Variants in E4F1 observed in about 807,000 individuals in gnomAD.
E4F1 encodes the protein E4F transcription factor 1.
In E4F1, 30 loss-of-function variants were observed where a neutral mutation model predicts 72.9. That is an observed-to-expected ratio of 0.41 (90% CI 0.31 to 0.56). The LOEUF is 0.56. Ranked by LOEUF, E4F1 falls within the 20% of genes least tolerant of loss-of-function variation. The pLI, the probability that E4F1 is intolerant of heterozygous loss-of-function variation, is 0.25. For missense variants in E4F1, 1,091 were observed against 1,117.5 expected (o/e 0.98, Z 0.34); for synonymous variants, 542 against 478.2 (o/e 1.13, Z -1.74).
chr16:2,223,877 C>T (rs2093414277), intron 1 of E4F1, 107 bp downstream of exon 1: 1 of 1,532,624 alleles, frequency 6.5e-7, no homozygotes, highest in Admixed American at 2.0e-5. Context: ...CTCCCAGACC[C>T]AGACACCTCG....
At position 2,228,179 on chromosome 16, in the gene E4F1, G is replaced by T. The variant is rs796554580; in HGVS notation, c.158-193G>T. ...GGGTGGGTCTGGCCCCTGCAGACCTGCAGAGGATAGGGGCTGTACCTTGGG... is the reference window on the plus strand; with the variant it reads ...GGGTGGGTCTGGCCCCTGCAGACCTTCAGAGGATAGGGGCTGTACCTTGGG... On this transcript the variant is annotated intron_variant, in intron 1 of 13. Transcript: ENST00000301727. 1.8e-5 allele frequency: 13 copies of T among 726,588 alleles called. No individual in the cohort carries two copies. In the African/African-American group the frequency reaches 1.9e-4, roughly 11 times the overall value. 45.0% of individuals were successfully genotyped at this position (726,588 alleles called of 1,614,324 possible).
intron 2 of E4F1, 146 bp from the exon 3 acceptor site, chr16:2,229,424 C>A: frequency 1.3e-6 from 1 of 767,440 alleles, no homozygotes; most frequent in Non-Finnish European, 2.1e-6. Flanking sequence ...GAGCCCCCAC[C>A]CCAGCCGTCC....
chr16:2,234,533 G>A (rs1391084980), intron 10 of E4F1, 50 bp from the exon 11 acceptor site: 19 of 1,552,778 alleles, frequency 1.2e-5, no homozygotes, highest in Non-Finnish European at 1.7e-5. Flanking sequence ...GGGGAGAGCT[G>A]TAGTCTGTTG....
chr16:2,234,053 C>G (rs1171348697), intron 9 of E4F1, 63 bp downstream of exon 9: 5 of 1,535,986 alleles, frequency 3.3e-6, no homozygotes, highest in African/African-American at 1.4e-5. Context: ...CGGGGTGCTT[C>G]TGGGTGTCCA....
At position 2,228,464 on chromosome 16, in the gene E4F1, C is replaced by T. The variant is rs778846111; in HGVS notation, c.250C>T (p.Arg84Trp). 9.3e-6 allele frequency: 15 copies of T among 1,612,952 alleles called. No individual in the cohort carries two copies. Among genetic ancestry groups the T allele is most frequent in the Admixed American group, 5.0e-5 (3 of 60,008 alleles). ...GCACAAGATTCAGAAGGCCTGCCAG[C>T]GGGCCCCTCCGGAGGCCCTGCCTGC... The part of the protein sequence containing the change: ...VQHKIQKACQ[R>W]APPEALPATP... Residue 84 changes from arginine (R) to tryptophan (W), a missense_variant, in exon 2 of 14, where the codon CGG becomes TGG. Around this residue, in one of 5 missense-constraint regions of E4F1, gnomAD observed 362 missense variants for 358.6 expected, o/e 1.01. Coordinates refer to ENST00000301727, the MANE Select transcript of E4F1 (RefSeq NM_004424.5).
In E4F1 at chr16:2,234,251, G is replaced by T. The variant is rs368693289; in HGVS notation, c.1456G>T (p.Val486Leu). The T allele has an allele frequency of 6.2e-7, 1 of 1,612,886 alleles. No homozygotes were observed. The highest frequency in any genetic ancestry group is 1.1e-5 in the South Asian group (1 of 91,092). ...YLLKKHQEVH[V>L]RERRFRCGDC... ...GCTCAAGAAGCACCAGGAGGTGCAC[G>T]TGCGTGAGCGCCGCTTCCGCTGTGG... Residue 486 changes from valine to leucine, a missense_variant, in exon 10 of 14, where the codon GTG (valine) becomes TTG (leucine). Transcript: ENST00000301727.
intron 13 of E4F1, 33 bp downstream of exon 13, chr16:2,235,176 T>G: frequency 1.2e-6 from 2 of 1,610,370 alleles, no homozygotes; most frequent in Non-Finnish European, 1.7e-6. Context: ...GCGGGGAGGC[T>G]CCCTGGCACA....
chr16:2,232,465 C>T lies in E4F1; in HGVS notation c.619C>T (p.Leu207Phe), dbSNP rs144494405. 7.4e-6 allele frequency: 12 copies of T among 1,610,780 alleles called. No individual in the cohort carries two copies. The African/African-American group carries it at 1.3e-4, about 18-fold the overall frequency. Residue 207 changes from leucine to phenylalanine, a missense_variant, in exon 5 of 14, where the codon CTC (leucine) becomes TTC (phenylalanine). Transcript: ENST00000301727. ...ACGCCCTCCCCCACAGGGCAGCATC[C>T]TCAAGGCCCACATGGTCACTCACAG... ...CHKTFKTGSI[L>F]KAHMVTHSSR... is the part of the protein sequence containing the mutation.
rs997610691 is a variant in E4F1, at chr16:2,233,201, C to T, written c.1056+18C>T. 3 of 1,583,786 alleles carry T rather than the reference C, an allele frequency of 1.9e-6. No individual in the cohort carries two copies. Among genetic ancestry groups the T allele is most frequent in the Non-Finnish European group, 2.6e-6 (3 of 1,162,508 alleles). ...CCCCAGAGGTGGGGGCGACGGGGGGCCCCGGAGGGCTGCTCTGTCTTCTGC... is the reference window on the plus strand; with the variant it reads ...CCCCAGAGGTGGGGGCGACGGGGGGTCCCGGAGGGCTGCTCTGTCTTCTGC... On this transcript the variant is annotated intron_variant, in intron 7 of 13. Coordinates refer to ENST00000301727, the MANE Select transcript of E4F1 (RefSeq NM_004424.5).
intron 12 of E4F1, 35 bp downstream of exon 12, chr16:2,235,036 A>T: frequency 6.2e-7 from 1 of 1,611,964 alleles, no homozygotes; most frequent in Non-Finnish European, 8.5e-7. Flanking sequence ...GCTGGGACCC[A>T]GGGGCAGCCA....
chr16:2,226,233 G>A (rs2093432088), intron 1 of E4F1, among the ~76,000 whole-genome samples: 1 of 152,216 alleles, frequency 6.6e-6, no homozygotes, highest in African/African-American at 2.4e-5. Context: ...TTCCAGCTTG[G>A]AGAAGGGCAG....
chr16:2,230,823 G>A (rs2093463270), intron 3 of E4F1: 1 of 152,380 alleles, frequency 6.6e-6, no homozygotes, highest in African/African-American at 2.4e-5. Context: ...GGCGGGCTCT[G>A]GCCTTGACCT....
At position 2,235,312 on chromosome 16, in the gene E4F1, ACGG is replaced by A; in HGVS notation, c.2098_2100del (p.Ala700del). On this transcript the variant is annotated inframe_deletion, in exon 14 of 14. Transcript: ENST00000301727. ...GCAGAACGTCACCATGGACGAGGAG[ACGG>A]CGCTGGGCCCAGAGGCGGCTGCCGC... 1 of 1,610,860 alleles carries A rather than the reference ACGG, an allele frequency of 6.2e-7. No homozygotes were observed. Among genetic ancestry groups the A allele is most frequent in the Non-Finnish European group, 8.5e-7 (1 of 1,179,856 alleles).
At chr16:2,224,955 G>T (rs2093422704) in intron 1 of E4F1, among the ~76,000 whole-genome samples, 1 of 152,030 alleles carries the variant, frequency 6.6e-6, no homozygotes, top group African/African-American at 2.4e-5. Context: ...GCTCACGCCT[G>T]TAATCCCAGC....
intron 3 of E4F1, 45 bp downstream of exon 3, chr16:2,229,720 T>A: frequency 6.2e-7 from 1 of 1,601,972 alleles, no homozygotes; most frequent in East Asian, 2.2e-5. Context: ...ACCTTCGTGG[T>A]TGGGGCCAGA....
In E4F1 at chr16:2,235,008, G is replaced by T. The variant is rs1409074290; in HGVS notation, c.1935+7G>T. The T allele has an allele frequency of 1.2e-6, 2 of 1,611,620 alleles. No homozygotes were observed. Among genetic ancestry groups the T allele is most frequent in the Non-Finnish European group, 1.7e-6 (2 of 1,179,510 alleles). ...CCAGGAGTATATCATCGAGGTGGGT[G>T]TGGGGCCCTGGGGCCGTGCTGGGAC... On this transcript the variant is annotated splice_region_variant and intron_variant, in intron 12 of 13. Transcript: ENST00000301727.
chr16:2,229,497 G>A, intron 2 of E4F1, 73 bp from the exon 3 acceptor site: 4 of 1,501,296 alleles, frequency 2.7e-6, no homozygotes, highest in Non-Finnish European at 3.7e-6. Context: ...CACTGGCAGA[G>A]CCCAGGCCTC....
rs757946895 is a variant in E4F1, at chr16:2,234,715, A to G, written c.1726A>G (p.Lys576Glu). The G allele has an allele frequency of 6.4e-7, 1 of 1,563,564 alleles. No homozygotes were observed. ...ACACCACACAGGCGAGAAGCCGTTC[A>G]AGTGCTACAAGTGCGGCCGTGGCTT... ...VRHHTGEKPF[K>E]CYKCGRGFAE... The change falls in exon 11 of 14, where the codon AAG becomes GAG. Residue 576 changes from lysine to glutamate, a missense_variant. Transcript: ENST00000301727.
At chr16:2,234,808 G>T in intron 11 of E4F1, 27 bp downstream of exon 11, 1 of 1,541,780 alleles carries the variant, frequency 6.5e-7, no homozygotes. Context: ...GTGGGAGGGG[G>T]AGGGGAGGGG....
Sources: allele counts gnomAD v4.1 joint callset (sites outside exome capture counted in the v4.1 genomes callset), GRCh38; gene constraint gnomAD v4.1.1; regional missense constraint gnomAD v4.1.1; transcripts MANE v1.5; gene names NCBI Gene and HGNC (gene_info 2026-07-23, HGNC 2026-07-21).